PLAG1: variants seen among roughly 807,000 people sequenced by gnomAD.
PLAG1 encodes zinc finger protein PLAG1.
In PLAG1, 7 loss-of-function variants were observed where a neutral mutation model predicts 35.5. That is an observed-to-expected ratio of 0.20 (90% CI 0.11 to 0.37). The LOEUF (loss-of-function observed/expected upper bound fraction) is 0.37. PLAG1 is among the 10% of genes least tolerant of loss of function. The probability of loss-of-function intolerance (pLI) is 1.00; values close to 1 mark genes in which losing one functional copy is unlikely to be tolerated. For synonymous variants in PLAG1, 229 were observed against 225.4 expected, an observed-to-expected ratio of 1.02 and a Z score of -0.14; for missense variants, 454 against 602.8, an observed-to-expected ratio of 0.75 and a Z score of 2.58.
Position 56,172,153 on chromosome 8 carries a change from C to G in PLAG1, c.-216-964G>C, listed in dbSNP as rs372358899. Among the ~76,000 whole-genome samples the G allele has an allele frequency of 2.3e-4, 35 of 152,260 alleles. No homozygotes were observed. In the East Asian group the frequency reaches 6.2e-3, roughly 27 times the overall value. On this transcript the variant is annotated intron_variant, in intron 2 of 4. Transcript: ENST00000316981. ...TGACAGGTTAAATAAAAATAACTTTCAGATTCTTAACACAAATCTAAAAAT... is the reference window on the plus strand; with the variant it reads ...TGACAGGTTAAATAAAAATAACTTTGAGATTCTTAACACAAATCTAAAAAT...
intron 3 of PLAG1, among the ~76,000 whole-genome samples, chr8:56,169,029 C>T (rs950465211): frequency 2.0e-5 from 3 of 152,194 alleles, no homozygotes; most frequent in African/African-American, 7.2e-5. Flanking sequence ...CTAACAAATA[C>T]AAATTCTTCA....
chr8:56,182,781 C>A (rs1426584767), intron 1 of PLAG1, among the ~76,000 whole-genome samples: 1 of 152,182 alleles, frequency 6.6e-6, no homozygotes, highest in African/African-American at 2.4e-5. Context: ...CTAGAGAATG[C>A]TTCCATGCTG....
chr8:56,186,795 C>A (rs1780851925), intron 1 of PLAG1, among the ~76,000 whole-genome samples: 1 of 152,074 alleles, frequency 6.6e-6, no homozygotes, highest in South Asian at 2.1e-4. Flanking sequence ...TAGCTCATTG[C>A]AACCTCCGCC....
intron 1 of PLAG1, among the ~76,000 whole-genome samples, chr8:56,202,592 A>G (rs1812586290): frequency 6.6e-6 from 1 of 152,214 alleles, no homozygotes; most frequent in Non-Finnish European, 1.5e-5. Flanking sequence ...GAATGTGATC[A>G]ATTGCACTTC....
Position 56,167,260 on chromosome 8 carries a change from C to T in PLAG1, c.486G>A (p.Thr162=), listed in dbSNP as rs370105954. 1.5e-5 allele frequency: 24 copies of T among 1,613,878 alleles called. No homozygotes were observed. In the South Asian group the frequency reaches 1.5e-4, roughly 10 times the overall value. Residue 162 remains threonine, a synonymous_variant, in exon 5 of 5, where the codon ACG becomes ACA. Coordinates refer to ENST00000316981, the MANE Select transcript of PLAG1 (RefSeq NM_002655.3). This position sits in a 1 kb window ranked among gnomAD's most constrained non-coding sequence, Gnocchi z 5.9. ...ATTTAAGGTGCTCCAGAAGCACTCC[C>T]GTGCTTTCAAAAGTTTGCAAACATA... ...CKVCLQTFES[T]GVLLEHLKSH...
chr8:56,194,316 CAAA>C (rs544697171), intron 1 of PLAG1, among the ~76,000 whole-genome samples: 7 of 56,284 alleles, frequency 1.2e-4, no homozygotes, highest in Admixed American at 3.8e-4. Flanking sequence ...AACTCTGTCT[CAAA>C]AAAAAAAAAA....
In PLAG1 at chr8:56,164,082, T is replaced by A. The variant is rs1220816427; in HGVS notation, c.*2161A>T. On this transcript the variant is annotated 3_prime_UTR_variant, in exon 5 of 5. Coordinates refer to ENST00000316981, the MANE Select transcript of PLAG1 (RefSeq NM_002655.3). ...ACTTTCAGAAAAAATATTCTCCTAATCAAAAGCTAGGAGCAGTTTGAAAAA... is the reference window on the plus strand; with the variant it reads ...ACTTTCAGAAAAAATATTCTCCTAAACAAAAGCTAGGAGCAGTTTGAAAAA... 2 of 186,632 alleles carry A rather than the reference T, an allele frequency of 1.1e-5. No homozygotes were observed. Among genetic ancestry groups the A allele is most frequent in the Non-Finnish European group, 2.3e-5 (2 of 88,062 alleles). The allele number at this position is 186,632 out of a possible 1,614,324, so 11.6% of individuals were successfully genotyped here.
At chr8:56,175,283 T>C (rs1563377864) in intron 2 of PLAG1, among the ~76,000 whole-genome samples, 1 of 152,180 alleles carries the variant, frequency 6.6e-6, no homozygotes, top group Admixed American at 6.5e-5. Flanking sequence ...CCATTCGTAA[T>C]AAAAATTTCC....
chr8:56,177,436 T>C (rs1811735037), intron 2 of PLAG1, among the ~76,000 whole-genome samples: 1 of 152,208 alleles, frequency 6.6e-6, no homozygotes. Context: ...TGTACTCTCC[T>C]GGCTGGAACA....
At chr8:56,190,773 T>C (rs1042507987) in intron 1 of PLAG1, among the ~76,000 whole-genome samples, 14 of 151,714 alleles carry the variant, frequency 9.2e-5, no homozygotes, top group African/African-American at 2.7e-4. Context: ...TAAGAAGAGA[T>C]AGAGGAGGAC....
At chr8:56,184,027 A>G (rs1311404242) in intron 1 of PLAG1, among the ~76,000 whole-genome samples, 1 of 152,224 alleles carries the variant, frequency 6.6e-6, no homozygotes, top group Non-Finnish European at 1.5e-5. Flanking sequence ...CAATGTTAAG[A>G]GAATAAAAAG....
chr8:56,181,663 A>G (rs1811867627), intron 1 of PLAG1, among the ~76,000 whole-genome samples: 1 of 152,198 alleles, frequency 6.6e-6, no homozygotes, highest in South Asian at 2.1e-4. Flanking sequence ...TAGCACGTGT[A>G]TACCTATGTA....
chr8:56,202,756 T>A (rs1302639410), intron 1 of PLAG1, among the ~76,000 whole-genome samples: 11 of 152,162 alleles, frequency 7.2e-5, no homozygotes, highest in Non-Finnish European at 1.0e-4. Flanking sequence ...AGGCTATGAT[T>A]AAAAGTGCTC....
chr8:56,204,136 G>C (rs1812636367), intron 1 of PLAG1, among the ~76,000 whole-genome samples: 1 of 151,920 alleles, frequency 6.6e-6, no homozygotes, highest in African/African-American at 2.4e-5. Context: ...GTGCTTAAAT[G>C]AATTATGTTT....
chr8:56,174,732 G>A (rs1177742914), intron 2 of PLAG1, among the ~76,000 whole-genome samples: 2 of 152,090 alleles, frequency 1.3e-5, no homozygotes. Flanking sequence ...TTGCATCCAT[G>A]GACTCAGCCA....
At chr8:56,209,859 G>A (rs1212717373) in intron 1 of PLAG1, among the ~76,000 whole-genome samples, 2 of 152,128 alleles carry the variant, frequency 1.3e-5, no homozygotes, top group Non-Finnish European at 2.9e-5. Context: ...CGACGAAAAT[G>A]CAATCTAAAG....
At chr8:56,197,826 C>T (rs879526380) in intron 1 of PLAG1, among the ~76,000 whole-genome samples, 5 of 152,144 alleles carry the variant, frequency 3.3e-5, no homozygotes, top group Non-Finnish European at 5.9e-5. Flanking sequence ...GGCCTTGTGG[C>T]GGTCAGGAGG....
At chr8:56,200,837 C>G (rs1454328823) in intron 1 of PLAG1, among the ~76,000 whole-genome samples, 1 of 152,132 alleles carries the variant, frequency 6.6e-6, no homozygotes, top group Non-Finnish European at 1.5e-5. Context: ...CTGTCTTTAC[C>G]ATTCATTTAG....
chr8:56,167,147 A>T lies in PLAG1; in HGVS notation c.599T>A (p.Val200Asp). ...AGTGTGCACCACCATGTGTCTCCGG[A>T]CATCCTTTCGGGTGTAGAACCGGCG... ...CDRRFYTRKDVRRHMVVHTGR... is the reference protein window; with the variant it reads ...CDRRFYTRKDDRRHMVVHTGR... Residue 200 changes from valine (V) to aspartate (D), a missense_variant, in exon 5 of 5, where the codon GTC becomes GAC. Physicochemically the swap from Val to Asp is radical, Grantham distance 152. Coordinates refer to ENST00000316981, the MANE Select transcript of PLAG1 (RefSeq NM_002655.3). The surrounding 1 kb of genome is among the most constrained non-coding windows in gnomAD (Gnocchi z 5.9). 6.2e-7 allele frequency: 1 copy of T among 1,614,080 alleles called. No individual in the cohort carries two copies. Among genetic ancestry groups the T allele is most frequent in the Non-Finnish European group, 8.5e-7 (1 of 1,180,020 alleles).
Sources: gnomAD v4.1 joint callset for allele counts (sites outside exome capture counted in the v4.1 genomes callset) on GRCh38, gnomAD v4.1.1 for gene constraint, Gnocchi (gnomAD v3.1) non-coding constraint, MANE v1.5 for transcripts, NCBI Gene and HGNC (gene_info 2026-07-23, HGNC 2026-07-21) for gene names.